The following NUDCD3 variants were observed in gnomAD, a reference collection of about 807,000 sequenced individuals.
NUDCD3 encodes NudC domain containing 3.
NUDCD3 carries 13 observed loss-of-function variants against 39.7 expected under a neutral mutation model. The observed-to-expected ratio is 0.33, with a 90% CI of 0.21 to 0.52. NUDCD3 has a LOEUF of 0.52. Among genes scored for constraint, NUDCD3 ranks in the 20% least tolerant of loss-of-function variants. The pLI, the probability that NUDCD3 is intolerant of heterozygous loss-of-function variation, is 0.96. For synonymous variants in NUDCD3, 175 were observed against 172.4 expected (o/e 1.02, Z -0.12); for missense variants, 453 against 458.1 (o/e 0.99, Z 0.10).
At chr7:44,476,575 C>A (rs886786158) in intron 2 of NUDCD3, among the ~76,000 whole-genome samples, 25 of 152,180 alleles carry the variant, frequency 1.6e-4, no homozygotes, top group Admixed American at 1.4e-3. Context: ...GGACTTCTAG[C>A]CTCCTATAGA....
At chr7:44,438,834 C>T (rs559784721) in intron 2 of NUDCD3, among the ~76,000 whole-genome samples, 13 of 152,316 alleles carry the variant, frequency 8.5e-5, no homozygotes, top group African/African-American at 3.1e-4. Flanking sequence ...GAAACTGCCA[C>T]TATGCAGGTA....
intron 3 of NUDCD3, among the ~76,000 whole-genome samples, chr7:44,413,805 C>A (rs1248207199): frequency 6.6e-6 from 1 of 152,186 alleles, no homozygotes; most frequent in Non-Finnish European, 1.5e-5. Flanking sequence ...GTAATCCCAG[C>A]ACTTTGGGAG....
chr7:44,413,004 G>A (rs1798959835), intron 3 of NUDCD3, among the ~76,000 whole-genome samples: 1 of 151,622 alleles, frequency 6.6e-6, no homozygotes, highest in African/African-American at 2.4e-5. Flanking sequence ...TATTCTAATG[G>A]GGTAAAAAGA....
intron 2 of NUDCD3, among the ~76,000 whole-genome samples, chr7:44,428,263 C>T (rs1799278274): frequency 6.6e-6 from 1 of 151,776 alleles, no homozygotes; most frequent in Non-Finnish European, 1.5e-5. Context: ...TGGTGAAACC[C>T]TGTCTCTACT....
At chr7:44,474,400 CCTACCTTCTAAATGTATGATTTTA>C (rs1800320763) in intron 2 of NUDCD3, among the ~76,000 whole-genome samples, 1 of 152,094 alleles carries the variant, frequency 6.6e-6, no homozygotes, top group Non-Finnish European at 1.5e-5. Context: ...ACTCTCTGGC[CCTACCTTCTAAATGTATGATTTTA>C]AGCAAAGCAC....
chr7:44,442,101 G>T (rs1799595777), intron 2 of NUDCD3, among the ~76,000 whole-genome samples: 1 of 152,172 alleles, frequency 6.6e-6, no homozygotes, highest in Admixed American at 6.5e-5. Flanking sequence ...ACAATGCTCA[G>T]AACAGTGTAC....
chr7:44,486,302 G>A (rs1800608566), intron 1 of NUDCD3, among the ~76,000 whole-genome samples: 1 of 152,208 alleles, frequency 6.6e-6, no homozygotes, highest in Non-Finnish European at 1.5e-5. Flanking sequence ...GCAGTCAAAA[G>A]GGTGCTAACA....
chr7:44,441,656 A>G (rs1799587086), intron 2 of NUDCD3, among the ~76,000 whole-genome samples: 1 of 152,166 alleles, frequency 6.6e-6, no homozygotes, highest in South Asian at 2.1e-4. Context: ...CTCCATAGCT[A>G]GCCCACACAT....
intron 4 of NUDCD3, among the ~76,000 whole-genome samples, chr7:44,400,562 C>A (rs918882596): frequency 2.6e-5 from 4 of 152,236 alleles, no homozygotes; most frequent in Admixed American, 6.5e-5. Flanking sequence ...GTGTCTGGGG[C>A]TGCCCTAACA....
chr7:44,468,093 C>A (rs1800162226), intron 2 of NUDCD3: 1 of 1,611,018 alleles, frequency 6.2e-7, no homozygotes. Flanking sequence ...AACAAAAAAA[C>A]AAAGCACATG....
intron 4 of NUDCD3, among the ~76,000 whole-genome samples, chr7:44,395,011 A>C (rs2116863746): frequency 6.6e-6 from 1 of 152,370 alleles, no homozygotes; most frequent in Middle Eastern, 3.4e-3. Flanking sequence ...TGGACACAGA[A>C]GTACACTTGA....
intron 2 of NUDCD3, among the ~76,000 whole-genome samples, chr7:44,437,069 C>CTTTTTTTTTTTTTTTTT (rs35904938): frequency 3.1e-4 from 36 of 117,286 alleles, no homozygotes; most frequent in Non-Finnish European, 3.7e-4. Flanking sequence ...CTTTTCTTTT[C>CTTTTTTTTTTTTTTTTT]TTTTTTTTTT....
At chr7:44,442,992 G>A (rs1253236135) in intron 2 of NUDCD3, among the ~76,000 whole-genome samples, 4 of 152,112 alleles carry the variant, frequency 2.6e-5, no homozygotes, top group Admixed American at 6.5e-5. Flanking sequence ...GTGAGCCACC[G>A]CACCTGGCCT....
chr7:44,424,741 G>C (rs1167057293), intron 3 of NUDCD3, among the ~76,000 whole-genome samples: 1 of 152,118 alleles, frequency 6.6e-6, no homozygotes, highest in East Asian at 1.9e-4. Context: ...GATTCCTCAA[G>C]GATCTAGAGC....
At chr7:44,466,940 T>C (rs1409770484) in intron 2 of NUDCD3, among the ~76,000 whole-genome samples, 1 of 152,198 alleles carries the variant, frequency 6.6e-6, no homozygotes, top group East Asian at 1.9e-4. Context: ...ATGAGGGTCA[T>C]GGGAAGAGAG....
intron 2 of NUDCD3, among the ~76,000 whole-genome samples, chr7:44,464,810 T>C (rs1028848530): frequency 6.6e-6 from 1 of 152,198 alleles, no homozygotes; most frequent in Admixed American, 6.5e-5. Flanking sequence ...AATACCCTTT[T>C]AGAAGGAGCG....
At chr7:44,473,653 T>C (rs1484818597) in intron 2 of NUDCD3, among the ~76,000 whole-genome samples, 1 of 152,212 alleles carries the variant, frequency 6.6e-6, no homozygotes, top group African/African-American at 2.4e-5. Context: ...CAAAAGATGA[T>C]ATTGAACAAC....
At chr7:44,389,869 G>A (rs1191136247) in intron 5 of NUDCD3, among the ~76,000 whole-genome samples, 1 of 152,180 alleles carries the variant, frequency 6.6e-6, no homozygotes, top group Non-Finnish European at 1.5e-5. Context: ...CAAGGATGTA[G>A]AGAAGAAAAG....
chr7:44,395,501 CTT>C (rs1192816161), intron 4 of NUDCD3, among the ~76,000 whole-genome samples: 1 of 152,228 alleles, frequency 6.6e-6, no homozygotes, highest in African/African-American at 2.4e-5. Context: ...TTTCAAAACA[CTT>C]TCATTACCTC....
Sources: gnomAD v4.1 joint callset for allele counts (sites outside exome capture counted in the v4.1 genomes callset) on GRCh38, gnomAD v4.1.1 for gene constraint, MANE v1.5 for transcripts, NCBI Gene and HGNC (gene_info 2026-07-23, HGNC 2026-07-21) for gene names.